Variants in PGM3 observed in about 807,000 individuals in gnomAD.
PGM3 encodes phosphoacetylglucosamine mutase.
PGM3 carries 40 observed loss-of-function variants against 66.2 expected under a neutral mutation model. The ratio of observed to expected loss-of-function variants is 0.60; its 90% CI spans 0.47 to 0.79. PGM3 has a LOEUF of 0.79. Among genes scored for constraint, PGM3 ranks in the 30% least tolerant of loss-of-function variants. The pLI, the probability that PGM3 is intolerant of heterozygous loss-of-function variation, is 0.00. For synonymous variants in PGM3, 191 were observed against 224.2 expected (o/e 0.85, Z 1.32); for missense variants, 537 against 643.4 (o/e 0.83, Z 1.79).
At chr6:83,162,916 A>G (rs755508429), downstream of PGM3, 1 of 1,611,914 alleles carries the variant, frequency 6.2e-7, no homozygotes, top group South Asian at 1.1e-5. Context: ...GGAAAAGAGC[A>G]AAGGTATCGC....
chr6:83,190,239 A>G (rs977432854), intron 2 of PGM3, among the ~76,000 whole-genome samples: 1 of 152,220 alleles, frequency 6.6e-6, no homozygotes, highest in Middle Eastern at 3.2e-3. Context: ...GACTTGAATT[A>G]TACAATTTTT....
At chr6:83,169,461 C>T in intron 12 of PGM3, 138 bp from the exon 13 acceptor site, 1 of 966,484 alleles carries the variant, frequency 1.0e-6, no homozygotes, top group Non-Finnish European at 1.5e-6. Context: ...TAATGAAAAC[C>T]TTTTTTCATC....
chr6:83,164,600 A>T, downstream of PGM3: 1 of 1,489,906 alleles, frequency 6.7e-7, no homozygotes, highest in East Asian at 2.5e-5. Flanking sequence ...CAAGGTCTTC[A>T]TGGCCAAGCA....
Position 83,167,273 on chromosome 6 carries a change from C to T in PGM3, c.*1961G>A. 2.0e-6 allele frequency: 2 copies of T among 984,928 alleles called. No individual in the cohort carries two copies. Among genetic ancestry groups the T allele is most frequent in the Non-Finnish European group, 2.4e-6 (2 of 829,470 alleles). The allele number at this position is 984,928 out of a possible 1,614,324, so 61.0% of individuals were successfully genotyped here. A position where few individuals can be genotyped will look rare whatever the true frequency, so the allele number is the denominator to read the frequency against. ...TTGACTCCAGGTCCAGCTTTCCTCCCTATGTTGTTTAGCACAACCCAGAAG... is the reference window on the plus strand; with the variant it reads ...TTGACTCCAGGTCCAGCTTTCCTCCTTATGTTGTTTAGCACAACCCAGAAG... On this transcript the variant is annotated 3_prime_UTR_variant, in exon 13 of 13. Transcript: ENST00000513973.
At chr6:83,154,561 A>C in the PGM3 span, among the ~76,000 whole-genome samples, 1 of 152,202 alleles carries the variant, frequency 6.6e-6, no homozygotes. Context: ...CCAGCACATA[A>C]TAATAGCACT....
the PGM3 span, chr6:83,151,920 T>C: frequency 1.1e-5 from 18 of 1,613,948 alleles, no homozygotes; most frequent in South Asian, 3.3e-5. Flanking sequence ...ATTGGTGCAA[T>C]TGCTGGTTCT....
downstream of PGM3, among the ~76,000 whole-genome samples, chr6:83,157,999 C>CT (rs368395258): frequency 6.8e-4 from 101 of 148,176 alleles, no homozygotes; most frequent in Middle Eastern, 3.5e-3. Context: ...TTTATTTTTC[C>CT]TTTTTTTTTT....
At chr6:83,169,629 A>C in intron 12 of PGM3, 1 of 462,360 alleles carries the variant, frequency 2.2e-6, no homozygotes, top group Admixed American at 2.7e-5. Context: ...CCTAACAGTA[A>C]GTAAGTACTA....
the PGM3 span, among the ~76,000 whole-genome samples, chr6:83,149,357 T>G: frequency 2.5e-3 from 378 of 152,330 alleles, 8 homozygotes; most frequent in East Asian, 0.026. Flanking sequence ...AGTCTCTCTT[T>G]CTTGCTTGCC....
chr6:83,153,702 G>A, the PGM3 span: 1 of 1,259,986 alleles, frequency 7.9e-7, no homozygotes, highest in Middle Eastern at 2.5e-4. Context: ...GCCATTTCTA[G>A]AATTATCATA....
At chr6:83,154,288 C>G in the PGM3 span, 1 of 1,527,806 alleles carries the variant, frequency 6.5e-7, no homozygotes, top group Non-Finnish European at 9.1e-7. Flanking sequence ...GTACATGGTT[C>G]CTTCTTACTA....
At chr6:83,156,986 A>C (rs1173943677), downstream of PGM3, among the ~76,000 whole-genome samples, 1 of 152,212 alleles carries the variant, frequency 6.6e-6, no homozygotes, top group Non-Finnish European at 1.5e-5. Context: ...TAAGAAAATG[A>C]CATTTGTATT....
chr6:83,148,916 C>T, the PGM3 span: 1 of 1,123,492 alleles, frequency 8.9e-7, no homozygotes, highest in African/African-American at 1.7e-5. Context: ...GTTAATTGTC[C>T]TAGTTGCCAA....
At chr6:83,183,462 G>A (rs1209547704) in intron 4 of PGM3, among the ~76,000 whole-genome samples, 1 of 152,156 alleles carries the variant, frequency 6.6e-6, no homozygotes, top group East Asian at 1.9e-4. Flanking sequence ...GGTTTTCAGA[G>A]CAAAAAAAGC....
Position 83,179,967 on chromosome 6 carries a change from C to G in PGM3, c.788G>C (p.Gly263Ala), listed in dbSNP as rs1199492798. The G allele has an allele frequency of 3.1e-6, 5 of 1,604,674 alleles. No homozygotes were observed. Among genetic ancestry groups the G allele is most frequent in the Non-Finnish European group, 4.3e-6 (5 of 1,174,186 alleles). The change falls in exon 7 of 13, where the codon GGA (glycine) becomes GCA (alanine). Residue 263 changes from glycine (G) to alanine (A), a missense_variant and splice_region_variant. Coordinates refer to ENST00000513973, the MANE Select transcript of PGM3 (RefSeq NM_015599.3). ...TCTTTCATTGGACTTAATTTCCATT[C>G]CTAGCACACAGGATAATTTAACATG... ...FVKSHQKPPQ[G>A]MEIKSNERCC...
chr6:83,178,370 A>G (rs918474991), intron 8 of PGM3, among the ~76,000 whole-genome samples: 1 of 152,208 alleles, frequency 6.6e-6, no homozygotes, highest in African/African-American at 2.4e-5. Flanking sequence ...CCCTTAAAGA[A>G]AAGTATTCCT....
Position 83,181,611 on chromosome 6 carries a change from G to A in PGM3, c.787+125C>T, listed in dbSNP as rs1788180514. 14 of 653,928 alleles carry A rather than the reference G, an allele frequency of 2.1e-5. No homozygotes were observed. The South Asian group carries it at 2.7e-4, about 13-fold the overall frequency. The allele number at this position is 653,928 out of a possible 1,614,324, so 40.5% of individuals were successfully genotyped here. ...TCTGAGAGTGGGAAGACTTCTCAAT[G>A]TCTAAATGTGGCAGAGCCAGGAATA... On this transcript the variant is annotated intron_variant, in intron 6 of 12. Coordinates refer to ENST00000513973, the MANE Select transcript of PGM3 (RefSeq NM_015599.3).
At chr6:83,159,789 C>T (rs576389254), downstream of PGM3, 88 of 1,614,106 alleles carry the variant, frequency 5.5e-5, no homozygotes, top group South Asian at 9.2e-4. Flanking sequence ...CTGTCTCCTG[C>T]TTACAGGACT....
chr6:83,169,358 G>A (rs1379285113), intron 12 of PGM3, 35 bp from the exon 13 acceptor site: 1 of 1,610,894 alleles, frequency 6.2e-7, no homozygotes, highest in Non-Finnish European at 8.5e-7. Context: ...AGATGAGAAA[G>A]ACATAGCATG....
Sources: gnomAD v4.1 joint callset for allele counts (sites outside exome capture counted in the v4.1 genomes callset) on GRCh38, gnomAD v4.1.1 for gene constraint, MANE v1.5 for transcripts, NCBI Gene and HGNC (gene_info 2026-07-23, HGNC 2026-07-21) for gene names.